ACSM1: variants seen among roughly 807,000 people sequenced by gnomAD.
ACSM1 encodes the protein acyl-CoA synthetase medium chain family member 1.
ACSM1 carries 79 observed loss-of-function variants against 75.8 expected under a neutral mutation model. The ratio of observed to expected loss-of-function variants is 1.04; its 90% CI spans 0.87 to 1.26. The LOEUF (loss-of-function observed/expected upper bound fraction) is 1.26. ACSM1 is among the 50% of genes most tolerant of loss of function. The pLI, the probability that ACSM1 is intolerant of heterozygous loss-of-function variation, is 0.00. For missense variants in ACSM1, 676 were observed against 720.1 expected, an observed-to-expected ratio of 0.94 and a Z score of 0.70; for synonymous variants, 279 against 265.8, an observed-to-expected ratio of 1.05 and a Z score of -0.48.
intron 7 of ACSM1, among the ~76,000 whole-genome samples, chr16:20,652,998 T>C (rs1158360780): frequency 1.3e-5 from 2 of 152,074 alleles, no homozygotes; most frequent in African/African-American, 4.8e-5. Flanking sequence ...GATGTAAAAA[T>C]GCTGAAGAAA....
intron 4 of ACSM1, 115 bp downstream of exon 4, chr16:20,682,141 G>T: frequency 1.0e-6 from 1 of 966,828 alleles, no homozygotes; most frequent in Non-Finnish European, 1.5e-6. Context: ...ATCTGACTGG[G>T]CTGGTGCACC....
rs181282975 is a variant in ACSM1 at position 20,691,385 on chromosome 16, A to G, written c.-51-146T>C. ...GCACCCCTGATTGATTTTGGTGGGG[A>G]TTTATCTTCCCAGCTGAGGAACCAC... is the stretch of plus-strand genomic sequence containing the variant. On this transcript the variant is annotated intron_variant, in intron 1 of 13. Coordinates refer to ENST00000520010, the MANE Select transcript of ACSM1 (RefSeq NM_001318890.3). The G allele has an allele frequency of 7.3e-4, 370 of 509,096 alleles. 1 individual carries two copies. Among genetic ancestry groups the G allele is most frequent in the Non-Finnish European group, 1.0e-3 (307 of 293,478 alleles). 31.5% of individuals were successfully genotyped at this position (509,096 alleles called of 1,614,324 possible). A position where few individuals can be genotyped will look rare whatever the true frequency, so the allele number is the denominator to read the frequency against.
Position 20,627,378 on chromosome 16 carries a change from C to A in ACSM1, c.1300-62G>T. On this transcript the variant is annotated intron_variant, in intron 10 of 13. Transcript: ENST00000520010. ...GAATTTAGAGGTGATGAGCCACAAC[C>A]TTGGGTTCCAATCTGGGTTTGAATT... 2 of 1,489,450 alleles carry A rather than the reference C, an allele frequency of 1.3e-6. 1 individual carries two copies. The highest frequency in any genetic ancestry group is 2.9e-5 in the South Asian group (2 of 67,886). The allele number at this position is 1,489,450 out of a possible 1,614,324, so 92.3% of individuals were successfully genotyped here.
chr16:20,686,394 G>GC (rs2079554230), intron 2 of ACSM1, among the ~76,000 whole-genome samples: 1 of 151,864 alleles, frequency 6.6e-6, no homozygotes, highest in African/African-American at 2.4e-5. Flanking sequence ...CCAAACAAAT[G>GC]CCCCCAGTCA....
chr16:20,654,342 A>G (rs566469918), intron 7 of ACSM1, among the ~76,000 whole-genome samples: 1 of 152,346 alleles, frequency 6.6e-6, no homozygotes, highest in Non-Finnish European at 1.5e-5. Context: ...AGGCATGGGC[A>G]AGGACTTCAT....
chr16:20,684,812 T>C (rs960464501), intron 3 of ACSM1, among the ~76,000 whole-genome samples: 1 of 152,046 alleles, frequency 6.6e-6, no homozygotes, highest in African/African-American at 2.4e-5. Context: ...TTTAAAAAAG[T>C]AAGACTCTCT....
intron 9 of ACSM1, 112 bp downstream of exon 9, chr16:20,637,259 G>A (rs779337351): frequency 3.8e-6 from 2 of 521,586 alleles, no homozygotes; most frequent in Non-Finnish European, 2.9e-6. Flanking sequence ...TGAGAAGAGA[G>A]GAGGAAGGAT....
At position 20,664,373 on chromosome 16, in the gene ACSM1, ACAGACTTTAAAC is replaced by A. The variant is rs1211511842; in HGVS notation, c.913-2512_913-2501del. 2.6e-5 allele frequency among the ~76,000 whole-genome samples: 4 copies of A among 152,242 alleles called. No individual in the cohort carries two copies. The East Asian group carries it at 7.7e-4, about 29-fold the overall frequency. On this transcript the variant is annotated intron_variant, in intron 6 of 13. Transcript: ENST00000520010. Reference sequence around the variant, plus strand: ...GTCCTTATTCTTATATCAGATAAAAACAGACTTTAAACCAGCAATGATTAGGAAGGACAAAGG... The same window carrying A: ...GTCCTTATTCTTATATCAGATAAAAACAGCAATGATTAGGAAGGACAAAGG...
At chr16:20,646,020 T>C (rs1372155815) in intron 7 of ACSM1, among the ~76,000 whole-genome samples, 2 of 152,164 alleles carry the variant, frequency 1.3e-5, no homozygotes, top group African/African-American at 4.8e-5. Context: ...AAGTCTGCCT[T>C]AGGCCTGGAG....
At position 20,682,409 on chromosome 16, in the gene ACSM1, C is replaced by A; in HGVS notation, c.458G>T (p.Arg153Leu). 1.2e-6 allele frequency: 2 copies of A among 1,613,794 alleles called. No homozygotes were observed. Among genetic ancestry groups the A allele is most frequent in the South Asian group, 2.2e-5 (2 of 90,990 alleles). Residue 153 changes from arginine to leucine, a missense_variant, in exon 4 of 14, where the codon CGA becomes CTA. Transcript: ENST00000520010. The part of the protein sequence containing the change: ...ILLKAKDILY[R>L]LQLSKAKGIV... Reference sequence around the variant, plus strand: ...GCCCTTGGCTTTAGACAACTGTAGTCGATAGAGAATGTCTTTGGCCTTCAA... The same window carrying A: ...GCCCTTGGCTTTAGACAACTGTAGTAGATAGAGAATGTCTTTGGCCTTCAA...
intron 8 of ACSM1, among the ~76,000 whole-genome samples, chr16:20,637,923 C>G (rs1458308721): frequency 2.6e-5 from 4 of 152,164 alleles, no homozygotes; most frequent in Admixed American, 2.6e-4. Flanking sequence ...TGTTGGGTGG[C>G]AGAATGTTGC....
intron 2 of ACSM1, among the ~76,000 whole-genome samples, chr16:20,687,108 A>C (rs2079567723): frequency 1.3e-5 from 2 of 151,748 alleles, no homozygotes; most frequent in Admixed American, 6.6e-5. Flanking sequence ...ACTTGTTTAC[A>C]ATGTTCTGGC....
At chr16:20,647,674 G>C (rs145959988) in intron 7 of ACSM1, among the ~76,000 whole-genome samples, 3 of 151,974 alleles carry the variant, frequency 2.0e-5, no homozygotes, top group Non-Finnish European at 1.5e-5. Flanking sequence ...TACTAATTAC[G>C]ATATCTAGTA....
intron 7 of ACSM1, among the ~76,000 whole-genome samples, chr16:20,658,726 A>C (rs2019132786): frequency 6.6e-6 from 1 of 152,202 alleles, no homozygotes; most frequent in South Asian, 2.1e-4. Context: ...ATAAGAATTT[A>C]GATATTGAGG....
In ACSM1 at chr16:20,683,715, C is replaced by T. The variant is rs113436914; in HGVS notation, c.404-1252G>A. 3.5e-3 allele frequency among the ~76,000 whole-genome samples: 479 copies of T among 136,378 alleles called. 6 individuals carry two copies. The highest frequency in any genetic ancestry group is 0.034 in the East Asian group (156 of 4,638). 89.5% of individuals were successfully genotyped at this position (136,378 alleles called of 152,430 possible). A position where few individuals can be genotyped will look rare whatever the true frequency, so the allele number is the denominator to read the frequency against. On this transcript the variant is annotated intron_variant, in intron 3 of 13. Coordinates refer to ENST00000520010, the MANE Select transcript of ACSM1 (RefSeq NM_001318890.3). ...TCTTTCTTTCTTTCTCTCTCTCTCT[C>T]TCTTTCTTTCTTTCTTTCTTTCTTT...
chr16:20,651,661 T>C (rs2018653251), intron 7 of ACSM1, among the ~76,000 whole-genome samples: 3 of 152,074 alleles, frequency 2.0e-5, no homozygotes, highest in South Asian at 4.1e-4. Flanking sequence ...ATACTATATA[T>C]ATACACACAA....
intron 5 of ACSM1, among the ~76,000 whole-genome samples, chr16:20,670,540 C>A (rs1319564491): frequency 6.6e-6 from 1 of 152,208 alleles, no homozygotes; most frequent in Non-Finnish European, 1.5e-5. Context: ...CTCCTCCTCC[C>A]TAAAAAACTT....
chr16:20,680,950 A>T (rs980599739), intron 4 of ACSM1: 2 of 152,232 alleles, frequency 1.3e-5, no homozygotes, highest in African/African-American at 4.8e-5. Context: ...CTCTTATGGT[A>T]TCCAGTTGAT....
intron 12 of ACSM1, 125 bp downstream of exon 12, chr16:20,625,298 C>T (rs190491672): frequency 1.2e-5 from 10 of 857,884 alleles, no homozygotes; most frequent in South Asian, 5.2e-5. Flanking sequence ...GGTGCCATAC[C>T]GTGTAAACGC....
Sources: gnomAD v4.1 joint callset for allele counts (sites outside exome capture counted in the v4.1 genomes callset) on GRCh38, gnomAD v4.1.1 for gene constraint, MANE v1.5 for transcripts, NCBI Gene and HGNC (gene_info 2026-07-23, HGNC 2026-07-21) for gene names.